The following DISC1 variants were observed in gnomAD, a reference collection of about 807,000 sequenced individuals.
The protein encoded by DISC1 is DISC1 scaffold protein.
Under a neutral mutation model 84.5 loss-of-function variants are expected in DISC1, and 57 were observed. That is an observed-to-expected ratio of 0.67 (90% CI 0.55 to 0.84). DISC1 has a LOEUF of 0.84. Among genes scored for constraint, DISC1 ranks in the 40% least tolerant of loss-of-function variants. The pLI, the probability that DISC1 is intolerant of heterozygous loss-of-function variation, is 0.00. For missense variants in DISC1, 1,000 were observed against 1,057.8 expected (o/e 0.95, Z 0.76); for synonymous variants, 411 against 415.2 (o/e 0.99, Z 0.12).
intron 10 of DISC1, among the ~76,000 whole-genome samples, chr1:231,984,344 A>G (rs1664092965): frequency 6.6e-6 from 1 of 152,244 alleles, no homozygotes; most frequent in South Asian, 2.1e-4. Context: ...AGGTAATTAG[A>G]AAATAATATT....
chr1:232,025,084 C>T (rs200000115), intron 11 of DISC1, among the ~76,000 whole-genome samples: 1 of 152,092 alleles, frequency 6.6e-6, no homozygotes, highest in Admixed American at 6.5e-5. Context: ...TTCTACATGC[C>T]CAGCATTCAA....
intron 4 of DISC1, 43 bp downstream of exon 4, chr1:231,750,119 C>T (rs2074441986): frequency 6.3e-7 from 1 of 1,594,792 alleles, no homozygotes; most frequent in Non-Finnish European, 8.5e-7. Flanking sequence ...CATGTTTCTT[C>T]CTACCTCTCA....
chr1:231,954,379 AT>A lies in DISC1; in HGVS notation c.1982-4446del, dbSNP rs1329122419. Among the ~76,000 whole-genome samples, 3 of 152,200 alleles carry A rather than the reference AT, an allele frequency of 2.0e-5. No homozygotes were observed. Among genetic ancestry groups the A allele is most frequent in the Admixed American group, 2.0e-4 (3 of 15,280 alleles). Reference sequence around the variant, plus strand: ...TCTACTGTTTTCACTGATTTATGGCATTTAATTATCAATCTGTTAATCCAAG... The same window carrying A: ...TCTACTGTTTTCACTGATTTATGGCATTAATTATCAATCTGTTAATCCAAG... On this transcript the variant is annotated intron_variant, in intron 9 of 12. Coordinates refer to ENST00000439617, the MANE Select transcript of DISC1 (RefSeq NM_018662.3). The surrounding 1 kb of genome is among the most constrained non-coding windows in gnomAD (Gnocchi z 4.8).
At position 232,008,973 on chromosome 1, in the gene DISC1, C is replaced by T. The variant is rs758023306; in HGVS notation, c.2231C>T (p.Thr744Ile). 3 of 1,613,882 alleles carry T rather than the reference C, an allele frequency of 1.9e-6. No individual in the cohort carries two copies. The highest frequency in any genetic ancestry group is 2.5e-6 in the Non-Finnish European group (3 of 1,179,850). ...CTCCACTCCGAGGATAAAAGGAAGA[C>T]CCCTTTGAAGGTATTGGAAGAATGG... is the stretch of plus-strand genomic sequence containing the variant. ...PRLHSEDKRK[T>I]PLKVLEEWKT... Residue 744 changes from threonine to isoleucine, a missense_variant, in exon 11 of 13, where the codon ACC becomes ATC. Transcript: ENST00000439617.
chr1:231,762,208 C>A (rs1292521701), intron 4 of DISC1, among the ~76,000 whole-genome samples: 29,172 of 101,450 alleles, frequency 0.29, 4,437 homozygotes, highest in Middle Eastern at 0.39. Context: ...CTTTTCTTTT[C>A]TTTTCTCTTC....
intron 1 of DISC1, among the ~76,000 whole-genome samples, chr1:231,680,666 G>T (rs1363552519): frequency 6.6e-6 from 1 of 152,132 alleles, no homozygotes; most frequent in East Asian, 1.9e-4. Flanking sequence ...TTTGATGTGG[G>T]CTTACATCTG....
chr1:231,910,206 C>A (rs1471909539), intron 9 of DISC1, among the ~76,000 whole-genome samples: 2 of 152,130 alleles, frequency 1.3e-5, no homozygotes, highest in Admixed American at 6.5e-5. Context: ...TTATCTCTTG[C>A]CTTCTGCTAG....
chr1:231,678,348 C>T (rs201653710), intron 1 of DISC1, among the ~76,000 whole-genome samples: 13 of 152,246 alleles, frequency 8.5e-5, no homozygotes, highest in Middle Eastern at 3.4e-3. Context: ...TCTGTCTGCT[C>T]GGCAGGCGGG....
chr1:231,814,178 A>T (rs1010010379), intron 8 of DISC1, among the ~76,000 whole-genome samples: 2 of 152,196 alleles, frequency 1.3e-5, no homozygotes, highest in African/African-American at 2.4e-5. Context: ...AACATAATTT[A>T]TGTTTAAAAG....
chr1:231,818,210 T>C (rs1341704042), intron 8 of DISC1, 119 bp from the exon 9 acceptor site: 8 of 1,037,932 alleles, frequency 7.7e-6, no homozygotes, highest in Non-Finnish European at 1.2e-5. Flanking sequence ...TTGTACATAA[T>C]CTCAAAGTGC....
At chr1:232,026,612 A>G (rs1669485734) in intron 12 of DISC1, 60 bp downstream of exon 12, 1 of 1,347,692 alleles carries the variant, frequency 7.4e-7, no homozygotes, top group South Asian at 1.3e-5. Context: ...GAGAGTCTTT[A>G]AAGGGTAGTT....
chr1:231,670,230 GGAA>G (rs1255668182), intron 1 of DISC1, among the ~76,000 whole-genome samples: 1 of 152,092 alleles, frequency 6.6e-6, no homozygotes, highest in African/African-American at 2.4e-5. Flanking sequence ...GGTTGAAGGA[GGAA>G]GAAGACTAGG....
intron 6 of DISC1, among the ~76,000 whole-genome samples, chr1:231,790,067 G>GTTC (rs1401525618): frequency 6.6e-6 from 1 of 152,066 alleles, no homozygotes; most frequent in Non-Finnish European, 1.5e-5. Flanking sequence ...GAATGGTAAT[G>GTTC]TTCTACACAC....
intron 9 of DISC1, among the ~76,000 whole-genome samples, chr1:231,907,955 T>C (rs1293333801): frequency 1.3e-5 from 2 of 152,260 alleles, no homozygotes; most frequent in Non-Finnish European, 1.5e-5. Context: ...ATGTGTCTGT[T>C]GGCTGCATAA....
intron 9 of DISC1, among the ~76,000 whole-genome samples, chr1:231,854,266 C>T (rs1189457328): frequency 6.6e-6 from 1 of 152,148 alleles, no homozygotes; most frequent in Non-Finnish European, 1.5e-5. Context: ...ATAAAGTGAG[C>T]ATGAAATCCT....
At chr1:231,662,384 T>A (rs2061632265) in intron 1 of DISC1, among the ~76,000 whole-genome samples, 1 of 151,914 alleles carries the variant, frequency 6.6e-6, no homozygotes, top group Non-Finnish European at 1.5e-5. Flanking sequence ...GGCAGCCACC[T>A]CTCCCCCTGG....
At chr1:231,864,536 G>T (rs1574316922) in intron 9 of DISC1, among the ~76,000 whole-genome samples, 1 of 152,122 alleles carries the variant, frequency 6.6e-6, no homozygotes, top group Non-Finnish European at 1.5e-5. Flanking sequence ...GGTGGTGGGC[G>T]CCTGTAATCC....
intron 12 of DISC1, 88 bp downstream of exon 12, chr1:232,026,640 T>C (rs1215250895): frequency 1.2e-6 from 1 of 868,136 alleles, no homozygotes; most frequent in Non-Finnish European, 1.9e-6. Context: ...CCTCAGAAGA[T>C]GGCAACAAAT....
intron 1 of DISC1, among the ~76,000 whole-genome samples, chr1:231,633,472 T>G (rs971621891): frequency 1.3e-5 from 2 of 152,106 alleles, no homozygotes; most frequent in Non-Finnish European, 2.9e-5. Flanking sequence ...TCCTGCAGGA[T>G]TGGGATTGTG....
Sources: gnomAD v4.1 joint callset for allele counts (sites outside exome capture counted in the v4.1 genomes callset) on GRCh38, gnomAD v4.1.1 for gene constraint, Gnocchi (gnomAD v3.1) non-coding constraint, MANE v1.5 for transcripts, NCBI Gene and HGNC (gene_info 2026-07-23, HGNC 2026-07-21) for gene names.